Variants in TMOD2 observed in about 807,000 individuals in gnomAD.
TMOD2 encodes tropomodulin-2.
In TMOD2, 22 loss-of-function variants were observed where a neutral mutation model predicts 39.9. The ratio of observed to expected loss-of-function variants is 0.55; its 90% CI spans 0.39 to 0.79. The LOEUF (loss-of-function observed/expected upper bound fraction) is 0.79. Ranked by LOEUF, TMOD2 falls within the 30% of genes least tolerant of loss-of-function variation. TMOD2 has a pLI of 0.00. For missense variants in TMOD2, 386 were observed against 413.3 expected, an observed-to-expected ratio of 0.93 and a Z score of 0.57; for synonymous variants, 123 against 146.1, an observed-to-expected ratio of 0.84 and a Z score of 1.14.
intron 7 of TMOD2, among the ~76,000 whole-genome samples, chr15:51,788,676 C>T (rs1595873333): frequency 6.6e-6 from 1 of 152,158 alleles, no homozygotes; most frequent in South Asian, 2.1e-4. Flanking sequence ...GCGGATCTCT[C>T]AAGCCAGAAG....
chr15:51,774,115 A>C (rs1256207041), intron 4 of TMOD2, among the ~76,000 whole-genome samples: 1 of 152,228 alleles, frequency 6.6e-6, no homozygotes. Flanking sequence ...AATTTAGAGA[A>C]TAAAACAACA....
chr15:51,804,315 TTAATG>T (rs750934336), intron 8 of TMOD2, among the ~76,000 whole-genome samples: 3 of 152,226 alleles, frequency 2.0e-5, no homozygotes, highest in Non-Finnish European at 4.4e-5. Context: ...AAAGATATCC[TTAATG>T]TTAGATGAAA....
chr15:51,772,934 A>G (rs1011910161), intron 3 of TMOD2, among the ~76,000 whole-genome samples: 1 of 152,172 alleles, frequency 6.6e-6, no homozygotes, highest in Non-Finnish European at 1.5e-5. Context: ...ACATTTTCCA[A>G]ATATTTAAAA....
chr15:51,786,851 G>A lies in TMOD2; in HGVS notation c.732+4023G>A, dbSNP rs2055973810. Among the ~76,000 whole-genome samples, 2 of 152,208 alleles carry A rather than the reference G, an allele frequency of 1.3e-5. 1 individual carries two copies. Among genetic ancestry groups the A allele is most frequent in the South Asian group, 4.1e-4 (2 of 4,826 alleles). On this transcript the variant is annotated intron_variant, in intron 7 of 9. Coordinates refer to ENST00000249700, the MANE Select transcript of TMOD2 (RefSeq NM_014548.4). ...ACTGTTTATTGGAAATAAAACGTGAGAGGTCACTTCCAAGATGGCCAAATA... is the reference window on the plus strand; with the variant it reads ...ACTGTTTATTGGAAATAAAACGTGAAAGGTCACTTCCAAGATGGCCAAATA...
At chr15:51,767,573 T>TA (rs1290987633) in intron 2 of TMOD2, among the ~76,000 whole-genome samples, 4 of 151,436 alleles carry the variant, frequency 2.6e-5, no homozygotes, top group East Asian at 3.9e-4. Flanking sequence ...AGTACTTTTA[T>TA]AAAAAAAGAT....
chr15:51,806,699 T>C (rs1465817591), intron 9 of TMOD2, among the ~76,000 whole-genome samples, 178 bp downstream of exon 9: 1 of 152,246 alleles, frequency 6.6e-6, no homozygotes, highest in Non-Finnish European at 1.5e-5. Context: ...CCTCGCAGTG[T>C]TAAGTTTCAT....
intron 8 of TMOD2, among the ~76,000 whole-genome samples, chr15:51,801,231 T>TCACACACACACACACA (rs1182352451): frequency 3.1e-5 from 3 of 97,366 alleles, no homozygotes; most frequent in African/African-American, 1.5e-4. Context: ...TCTCTCTCTC[T>TCACACACACACACACA]CTCTCTCACA....
chr15:51,801,095 T>C (rs1485391427), intron 8 of TMOD2, among the ~76,000 whole-genome samples: 1 of 152,064 alleles, frequency 6.6e-6, no homozygotes, highest in African/African-American at 2.4e-5. Context: ...TCCCAATGCA[T>C]TGCAAGAATG....
chr15:51,789,216 T>C (rs1001653406), intron 7 of TMOD2, among the ~76,000 whole-genome samples: 1 of 152,180 alleles, frequency 6.6e-6, no homozygotes, highest in Non-Finnish European at 1.5e-5. Context: ...AATCCTGGTC[T>C]CTGATAAAAC....
chr15:51,773,586 C>T (rs540240490), intron 3 of TMOD2, 126 bp from the exon 4 acceptor site: 29 of 875,478 alleles, frequency 3.3e-5, no homozygotes, highest in African/African-American at 2.4e-4. Flanking sequence ...CCAGGAATCT[C>T]GGTTGGATAT....
At chr15:51,763,118 T>A (rs1320226187) in intron 1 of TMOD2, among the ~76,000 whole-genome samples, 2 of 151,370 alleles carry the variant, frequency 1.3e-5, no homozygotes, top group Admixed American at 6.6e-5. Flanking sequence ...AAAAAAAAAA[T>A]TGTAGAAACG....
At chr15:51,753,499 A>G (rs1255307493) in intron 1 of TMOD2, among the ~76,000 whole-genome samples, 1 of 152,170 alleles carries the variant, frequency 6.6e-6, no homozygotes, top group Non-Finnish European at 1.5e-5. Context: ...AAAATACTCA[A>G]GTGATACAAT....
chr15:51,763,867 TA>T (rs2055798134), intron 1 of TMOD2, among the ~76,000 whole-genome samples: 1 of 152,216 alleles, frequency 6.6e-6, no homozygotes, highest in African/African-American at 2.4e-5. Flanking sequence ...TTCAGAATGT[TA>T]AATGTGGCAA....
chr15:51,769,411 C>T (rs1202068998), intron 3 of TMOD2, among the ~76,000 whole-genome samples: 1 of 152,206 alleles, frequency 6.6e-6, no homozygotes, highest in African/African-American at 2.4e-5. Flanking sequence ...CTGAGTGCCT[C>T]CTCTGTGCAG....
At chr15:51,781,802 A>AGG (rs1437864261) in intron 6 of TMOD2, among the ~76,000 whole-genome samples, 3 of 83,236 alleles carry the variant, frequency 3.6e-5, no homozygotes, top group Non-Finnish European at 7.3e-5. Context: ...GGGAAAGAGT[A>AGG]GGAGAGAGAG....
chr15:51,766,493 G>A lies in TMOD2; in HGVS notation c.52G>A (p.Asp18Asn), dbSNP rs751527695. The change falls in exon 2 of 10, where the codon GAT becomes AAT. Residue 18 changes from aspartate (D) to asparagine (N), a missense_variant. By Grantham distance (23) the Asp-to-Asn change is conservative (BLOSUM62 1). Transcript: ENST00000249700. ...GGAGAAATACAAGAACATTGATGAA[G>A]ATGAGCTTCTTGGCAAACTCTCAGA... Reference protein sequence around the residue: ...ELEKYKNIDEDELLGKLSEEE... With the variant: ...ELEKYKNIDENELLGKLSEEE... 3.7e-6 allele frequency: 6 copies of A among 1,613,930 alleles called. No homozygotes were observed. The East Asian group carries it at 1.3e-4, about 36-fold the overall frequency.
At position 51,813,948 on chromosome 15, in the gene TMOD2, A is replaced by G. The variant is rs1450544538; in HGVS notation, c.*5494A>G. 1.3e-5 allele frequency: 2 copies of G among 152,122 alleles called. No individual in the cohort carries two copies. Among genetic ancestry groups the G allele is most frequent in the Non-Finnish European group, 1.5e-5 (1 of 68,036 alleles). 9.4% of individuals were successfully genotyped at this position (152,122 alleles called of 1,614,324 possible). ...TTTCTCATCTTTTGGAGTATGGGTA[A>G]TTGAGGCTTGGGTGTGTCATCAGGG... On this transcript the variant is annotated 3_prime_UTR_variant, in exon 10 of 10. Coordinates refer to ENST00000249700, the MANE Select transcript of TMOD2 (RefSeq NM_014548.4).
At position 51,781,136 on chromosome 15, in the gene TMOD2, G is replaced by A. The variant is rs1251372317; in HGVS notation, c.586G>A (p.Asp196Asn). Residue 196 changes from aspartate (D) to asparagine (N), a missense_variant, in exon 6 of 10, where the codon GAT (aspartate) becomes AAT (asparagine). Physicochemically the swap from Asp to Asn is conservative, Grantham distance 23. Coordinates refer to ENST00000249700, the MANE Select transcript of TMOD2 (RefSeq NM_014548.4). ...AAGCCTGCAGCAGATGAAAGCCAAT[G>A]ATCCTAGCTTGCAAGAAGTCAACCT... ...EISLQQMKAN[D>N]PSLQEVNLNN... 1 of 1,612,046 alleles carries A rather than the reference G, an allele frequency of 6.2e-7. No homozygotes were observed. The highest frequency in any genetic ancestry group is 8.5e-7 in the Non-Finnish European group (1 of 1,179,502).
intron 1 of TMOD2, among the ~76,000 whole-genome samples, chr15:51,764,135 A>T (rs2055800172): frequency 2.0e-5 from 3 of 152,178 alleles, no homozygotes; most frequent in Non-Finnish European, 4.4e-5. Context: ...AAAAAAAATT[A>T]AAAATTAGCT....
Sources: allele counts gnomAD v4.1 joint callset (sites outside exome capture counted in the v4.1 genomes callset), GRCh38; gene constraint gnomAD v4.1.1; transcripts MANE v1.5; gene names NCBI Gene and HGNC (gene_info 2026-07-23, HGNC 2026-07-21).